The following DSCAML1 variants were observed in gnomAD, a reference collection of about 807,000 sequenced individuals.
DSCAML1 encodes the protein cell adhesion molecule DSCAML1.
In DSCAML1, 38 loss-of-function variants were observed where a neutral mutation model predicts 200.5. The ratio of observed to expected loss-of-function variants is 0.19; its 90% CI spans 0.15 to 0.25. The LOEUF (loss-of-function observed/expected upper bound fraction) is 0.25, where lower values mean the gene tolerates loss of function less well. Ranked by LOEUF, DSCAML1 falls within the 10% of genes least tolerant of loss-of-function variation. The pLI is 1.00. For synonymous variants in DSCAML1, 1,215 were observed against 1,165.0 expected (o/e 1.04, Z -0.87); for missense variants, 2,223 against 2,858.8 (o/e 0.78, Z 5.07).
chr11:117,674,128 G>C (rs948569067), intron 3 of DSCAML1, among the ~76,000 whole-genome samples: 2 of 152,206 alleles, frequency 1.3e-5, no homozygotes, highest in African/African-American at 4.8e-5. Context: ...TTACGTTGCC[G>C]GTACTAGTTT....
chr11:117,648,636 C>G (rs2052568821), intron 3 of DSCAML1, among the ~76,000 whole-genome samples: 2 of 152,274 alleles, frequency 1.3e-5, no homozygotes, highest in South Asian at 4.1e-4. Context: ...AAGATGGGAA[C>G]AGCGGTAATA....
intron 3 of DSCAML1, among the ~76,000 whole-genome samples, chr11:117,770,777 G>T (rs2055023946): frequency 6.6e-6 from 1 of 152,200 alleles, no homozygotes; most frequent in South Asian, 2.1e-4. Flanking sequence ...GGTTAATCTG[G>T]GTGACTTTTA....
chr11:117,437,500 A>G lies in DSCAML1; in HGVS notation c.4433-91T>C. 1 of 1,446,226 alleles carries G rather than the reference A, an allele frequency of 6.9e-7. No homozygotes were observed. The highest frequency in any genetic ancestry group is 9.4e-7 in the Non-Finnish European group (1 of 1,060,678). 89.6% of individuals were successfully genotyped at this position (1,446,226 alleles called of 1,614,324 possible). On this transcript the variant is annotated intron_variant, in intron 25 of 32. Transcript: ENST00000651296. The surrounding 1 kb of genome is among the most constrained non-coding windows in gnomAD (Gnocchi z 5.3). ...GGGCTGGAAAGGATTTCCCTGGGGC[A>G]GCTGGGATGGCAGTGGCTCCAGGAG... is the stretch of plus-strand genomic sequence containing the variant.
intron 3 of DSCAML1, among the ~76,000 whole-genome samples, chr11:117,757,318 T>C (rs1361570248): frequency 6.6e-6 from 1 of 152,126 alleles, no homozygotes; most frequent in East Asian, 1.9e-4. Flanking sequence ...TATCTAGAAA[T>C]AATCATGACA....
At chr11:117,775,145 G>T (rs572055242) in intron 3 of DSCAML1, among the ~76,000 whole-genome samples, 1 of 152,240 alleles carries the variant, frequency 6.6e-6, no homozygotes, top group African/African-American at 2.4e-5. Context: ...GTATGCCAAG[G>T]TCCGAGGTAC....
chr11:117,503,199 C>T lies in DSCAML1; in HGVS notation c.2359+646G>A, dbSNP rs138427053. 7.4e-4 allele frequency among the ~76,000 whole-genome samples: 112 copies of T among 152,258 alleles called. 1 individual carries two copies. The East Asian group carries it at 0.018, about 25-fold the overall frequency. The stretch of plus-strand genomic sequence containing the variant: ...GATTTAGAAGCCGTGGGGGCAGCAC[C>T]GAGTTGTAATGAGCTGCATTGGTCC... On this transcript the variant is annotated intron_variant, in intron 11 of 32. Coordinates refer to ENST00000651296, the MANE Select transcript of DSCAML1 (RefSeq NM_020693.4). This position sits in a 1 kb window ranked among gnomAD's most constrained non-coding sequence, Gnocchi z 5.2.
intron 3 of DSCAML1, among the ~76,000 whole-genome samples, chr11:117,656,319 C>G (rs61671917): frequency 0.057 from 8,715 of 152,204 alleles, 826 homozygotes; most frequent in African/African-American, 0.19. Flanking sequence ...ACCAGGTAAC[C>G]CTGCTGTCAC....
At chr11:117,751,709 C>T (rs563427824) in intron 3 of DSCAML1, among the ~76,000 whole-genome samples, 1 of 152,076 alleles carries the variant, frequency 6.6e-6, no homozygotes, top group African/African-American at 2.4e-5. Flanking sequence ...CAGAAAGCCA[C>T]CTGGGGGAAA....
intron 3 of DSCAML1, among the ~76,000 whole-genome samples, chr11:117,718,485 G>A (rs963413855): frequency 6.6e-6 from 1 of 152,210 alleles, no homozygotes; most frequent in African/African-American, 2.4e-5. Flanking sequence ...AGTATTCTGA[G>A]GGTGAGGGGG....
chr11:117,565,137 C>G (rs777999395), intron 3 of DSCAML1, among the ~76,000 whole-genome samples: 14 of 152,104 alleles, frequency 9.2e-5, no homozygotes, highest in Non-Finnish European at 1.8e-4. Flanking sequence ...GCCCTTCTCA[C>G]CTGCTTTTTT....
At chr11:117,484,661 C>CAAATCCACCCAG (rs1565728947) in intron 11 of DSCAML1, among the ~76,000 whole-genome samples, 1 of 152,192 alleles carries the variant, frequency 6.6e-6, no homozygotes, top group East Asian at 1.9e-4. Flanking sequence ...ATAATTCACT[C>CAAATCCACCCAG]GTATAAACCT....
intron 8 of DSCAML1, among the ~76,000 whole-genome samples, chr11:117,511,387 C>G (rs1293730588): frequency 2.0e-5 from 3 of 152,180 alleles, no homozygotes; most frequent in Non-Finnish European, 4.4e-5. Flanking sequence ...GGAGCCAATG[C>G]AAAGGGGCCC....
intron 3 of DSCAML1, among the ~76,000 whole-genome samples, chr11:117,772,364 G>A (rs1298825470): frequency 6.6e-6 from 1 of 152,172 alleles, no homozygotes; most frequent in Non-Finnish European, 1.5e-5. Context: ...CCTCTGGCCA[G>A]AGGCGTCCTT....
At chr11:117,580,028 C>T (rs2051012574) in intron 3 of DSCAML1, among the ~76,000 whole-genome samples, 7 of 152,158 alleles carry the variant, frequency 4.6e-5, no homozygotes, top group Admixed American at 4.6e-4. Context: ...GTAAATTCCA[C>T]AAAGACAGGG....
intron 3 of DSCAML1, among the ~76,000 whole-genome samples, chr11:117,610,834 A>C (rs1893044): frequency 1.9e-5 from 2 of 106,666 alleles, no homozygotes; most frequent in African/African-American, 7.1e-5. Context: ...AAACCAAACC[A>C]AAACAACCCC....
At chr11:117,610,303 C>A (rs550737527) in intron 3 of DSCAML1, among the ~76,000 whole-genome samples, 49 of 152,304 alleles carry the variant, frequency 3.2e-4, no homozygotes, top group African/African-American at 1.2e-3. Context: ...ATTTTCTGGT[C>A]ACACATTCTT....
At chr11:117,813,222 G>A (rs1474156538) in intron 1 of DSCAML1, among the ~76,000 whole-genome samples, 2 of 152,318 alleles carry the variant, frequency 1.3e-5, no homozygotes, top group East Asian at 3.8e-4. Flanking sequence ...TCCTCAGAAT[G>A]CTACAAGGTA....
At chr11:117,515,087 T>C (rs2049731074) in intron 8 of DSCAML1, among the ~76,000 whole-genome samples, 1 of 152,220 alleles carries the variant, frequency 6.6e-6, no homozygotes, top group Non-Finnish European at 1.5e-5. Flanking sequence ...CCCAGGATGG[T>C]GGCTGGAGAC....
At chr11:117,442,517 C>T (rs1042034644) in intron 21 of DSCAML1, among the ~76,000 whole-genome samples, 40 of 151,684 alleles carry the variant, frequency 2.6e-4, no homozygotes, top group Non-Finnish European at 3.2e-4. Flanking sequence ...TGTGTGTGTG[C>T]GTGTGTGTGT....
Sources: gnomAD v4.1 joint callset for allele counts (sites outside exome capture counted in the v4.1 genomes callset) on GRCh38, gnomAD v4.1.1 for gene constraint, Gnocchi (gnomAD v3.1) non-coding constraint, MANE v1.5 for transcripts, NCBI Gene and HGNC (gene_info 2026-07-23, HGNC 2026-07-21) for gene names.